MYO10: variants seen among roughly 807,000 people sequenced by gnomAD.
MYO10 encodes the protein myosin X, also known as unconventional myosin-X.
Under a neutral mutation model 257.3 loss-of-function variants are expected in MYO10, and 133 were observed. The observed-to-expected ratio is 0.52, with a 90% confidence interval of 0.45 to 0.60. The LOEUF (loss-of-function observed/expected upper bound fraction) is 0.60, where lower values mean the gene tolerates loss of function less well. Among genes scored for constraint, MYO10 ranks in the 20% least tolerant of loss-of-function variants. The probability of loss-of-function intolerance (pLI) is 0.00; values close to 1 mark genes in which losing one functional copy is unlikely to be tolerated. For missense variants in MYO10, 2,399 were observed against 2,635.7 expected, an observed-to-expected ratio of 0.91 and a Z score of 1.97; for synonymous variants, 1,104 against 1,028.6, an observed-to-expected ratio of 1.07 and a Z score of -1.40.
chr5:16,724,233 T>G (rs1451003103), intron 19 of MYO10, among the ~76,000 whole-genome samples: 1 of 152,210 alleles, frequency 6.6e-6, no homozygotes, highest in Non-Finnish European at 1.5e-5. Context: ...GCATTTCAGC[T>G]CTGTACTATA....
intron 33 of MYO10, among the ~76,000 whole-genome samples, chr5:16,679,524 G>GTTTTTTTTTTTTTTTTTTTTTTTTTTTTT (rs33919452): frequency 1.1e-4 from 14 of 122,648 alleles, no homozygotes; most frequent in African/African-American, 4.2e-4. Context: ...TTTTTTGGGT[G>GTTTTTTTTTTTTTTTTTTTTTTTTTTTTT]TTTTTTTTTT....
chr5:16,709,845 T>C (rs1183365556), intron 21 of MYO10, among the ~76,000 whole-genome samples: 1 of 152,138 alleles, frequency 6.6e-6, no homozygotes, highest in African/African-American at 2.4e-5. Flanking sequence ...CCCTGTTTTG[T>C]GTTTATATCT....
intron 21 of MYO10, among the ~76,000 whole-genome samples, chr5:16,706,240 CATAT>C (rs1030658587): frequency 1.3e-5 from 2 of 151,556 alleles, no homozygotes; most frequent in African/African-American, 4.9e-5. Context: ...TATACACACT[CATAT>C]ATATACACAT....
At chr5:16,669,994 C>T (rs1347801106) in intron 39 of MYO10, among the ~76,000 whole-genome samples, 1 of 152,016 alleles carries the variant, frequency 6.6e-6, no homozygotes, top group East Asian at 1.9e-4. Context: ...AAGATCTGAC[C>T]CACAGACCAG....
chr5:16,696,227 C>A (rs1429797509), intron 26 of MYO10, among the ~76,000 whole-genome samples: 5 of 152,170 alleles, frequency 3.3e-5, no homozygotes, highest in African/African-American at 1.2e-4. Context: ...CAATTTCAGG[C>A]CCTCTCTTGA....
intron 3 of MYO10, among the ~76,000 whole-genome samples, chr5:16,814,302 C>T (rs55664417): frequency 0.057 from 8,703 of 151,992 alleles, 350 homozygotes; most frequent in Non-Finnish European, 0.083. Context: ...CCACCACACC[C>T]GGCTAATTTT....
chr5:16,671,592 C>T (rs1289875833), intron 37 of MYO10, 50 bp from the exon 38 acceptor site: 2 of 1,609,338 alleles, frequency 1.2e-6, no homozygotes, highest in South Asian at 1.1e-5. Flanking sequence ...GAAGGGCCTT[C>T]AGTGACCCGC....
In MYO10 at chr5:16,676,104, C is replaced by T. The variant is rs7732751; in HGVS notation, c.4593G>A (p.Pro1531=). The T allele has an allele frequency of 1.2e-3, 1,884 of 1,613,182 alleles. 16 individuals are homozygous for T. In the African/African-American group the frequency reaches 0.021, roughly 18 times the overall value. ...AGGGGTGATGGGTGTATCGAAGGAT[C>T]GGGTTCCGCTTGTAAATCTGTTCCA... ...DVVEQIYKRN[P]ILRYTHHPLH... Residue 1531 remains proline, a synonymous_variant, in exon 34 of 41, where the codon CCG becomes CCA. Transcript: ENST00000513610.
intron 1 of MYO10, among the ~76,000 whole-genome samples, chr5:16,879,895 A>C (rs1194235145): frequency 1.3e-5 from 2 of 152,170 alleles, no homozygotes; most frequent in African/African-American, 2.4e-5. Context: ...CACGAGCCAG[A>C]GGCCGGACGT....
intron 1 of MYO10, among the ~76,000 whole-genome samples, chr5:16,918,500 CTTTTTTTTTTTTTTTT>C (rs5866221): frequency 1.7e-5 from 2 of 117,696 alleles, no homozygotes; most frequent in African/African-American, 6.5e-5. Flanking sequence ...TTTTTCTTTT[CTTTTTTTTTTTTTTTT>C]TTTGAGACAG....
intron 34 of MYO10, 81 bp downstream of exon 34, chr5:16,675,950 T>A: frequency 6.9e-7 from 1 of 1,444,648 alleles, no homozygotes; most frequent in Non-Finnish European, 9.3e-7. Context: ...TAAAAACAAA[T>A]GCTTCTGTGT....
At chr5:16,740,798 G>A (rs541534095) in intron 19 of MYO10, among the ~76,000 whole-genome samples, 1 of 151,958 alleles carries the variant, frequency 6.6e-6, no homozygotes, top group East Asian at 1.9e-4. Flanking sequence ...AAAATATGTG[G>A]CATTTTCCCA....
Position 16,702,945 on chromosome 5 carries a change from C to CTT in MYO10, c.2488_2489dup (p.Lys831ArgfsTer45). On this transcript the variant is annotated frameshift_variant, in exon 23 of 41. Transcript: ENST00000513610. LOFTEE classifies it high-confidence loss of function. ...TGTACCTTTCTTCTTCCTCCCGTTTCTTCTTTTCTTCCTCTTCCTGTTTCT... is the reference window on the plus strand; with the variant it reads ...TGTACCTTTCTTCTTCCTCCCGTTTCTTTTCTTTTCTTCCTCTTCCTGTTTCT... The CTT allele has an allele frequency of 6.4e-7, 1 of 1,551,610 alleles. No homozygotes were observed. The highest frequency in any genetic ancestry group is 8.7e-7 in the Non-Finnish European group (1 of 1,146,976).
intron 2 of MYO10, among the ~76,000 whole-genome samples, chr5:16,818,427 C>T (rs183426139): frequency 0.11 from 15,661 of 137,790 alleles, 1,103 homozygotes; most frequent in South Asian, 0.24. Context: ...TATATATATA[C>T]ACATATCTTT....
intron 2 of MYO10, among the ~76,000 whole-genome samples, chr5:16,833,163 T>C (rs1445075460): frequency 6.6e-6 from 1 of 152,186 alleles, no homozygotes; most frequent in African/African-American, 2.4e-5. Flanking sequence ...ATATGTTTCT[T>C]TAAATTTTGA....
intron 19 of MYO10, among the ~76,000 whole-genome samples, chr5:16,748,541 C>T (rs183891902): frequency 1.1e-3 from 144 of 131,052 alleles, no homozygotes; most frequent in Admixed American, 2.8e-3. Context: ...CAGGTGTGAG[C>T]CATTGCTCCT....
In MYO10 at chr5:16,703,029, C is replaced by T. The variant is rs759905126; in HGVS notation, c.2406G>A (p.Gln802=). The T allele has an allele frequency of 6.4e-7, 1 of 1,553,340 alleles. No homozygotes were observed. Among genetic ancestry groups the T allele is most frequent in the Non-Finnish European group, 8.7e-7 (1 of 1,147,524 alleles). Residue 802 remains glutamine, a synonymous_variant, in exon 23 of 41, where the codon CAG becomes CAA. Coordinates refer to ENST00000513610, the MANE Select transcript of MYO10 (RefSeq NM_012334.3). ...AIVFQKQLRG[Q]IARRVYRQLL... The stretch of plus-strand genomic sequence containing the variant: ...ATTGTCTGTAAACTCTCCGAGCAAT[C>T]TGACCTCTGAGTTGCTTCTGGAAAA...
At chr5:16,786,275 C>T (rs949704600) in intron 4 of MYO10, among the ~76,000 whole-genome samples, 1 of 152,100 alleles carries the variant, frequency 6.6e-6, no homozygotes, top group Admixed American at 6.6e-5. Context: ...ACAGCAGAGG[C>T]TTGGTCAAAG....
chr5:16,799,992 C>T (rs928187077), intron 3 of MYO10, among the ~76,000 whole-genome samples: 5 of 152,246 alleles, frequency 3.3e-5, no homozygotes, highest in African/African-American at 7.2e-5. Context: ...AAAAGATAAT[C>T]GGGCATGCTG....
Sources: gnomAD v4.1 joint callset for allele counts (sites outside exome capture counted in the v4.1 genomes callset) on GRCh38, gnomAD v4.1.1 for gene constraint, MANE v1.5 for transcripts, NCBI Gene and HGNC (gene_info 2026-07-23, HGNC 2026-07-21) for gene names.